Variants in LIPA observed in about 807,000 individuals in gnomAD.
LIPA encodes the protein lysosomal acid lipase/cholesteryl ester hydrolase.
Under a neutral mutation model 40.6 loss-of-function variants are expected in LIPA, and 26 were observed. The ratio of observed to expected loss-of-function variants is 0.64; its 90% CI spans 0.47 to 0.89. The LOEUF is 0.89. Among genes scored for constraint, LIPA ranks in the 40% least tolerant of loss-of-function variants. LIPA has a pLI of 0.00. For synonymous variants in LIPA, 188 were observed against 168.4 expected, an observed-to-expected ratio of 1.12 and a Z score of -0.90; for missense variants, 455 against 479.6, an observed-to-expected ratio of 0.95 and a Z score of 0.48.
chr10:89,374,826 A>T (rs959398838), intron 2 of LIPA, among the ~76,000 whole-genome samples: 1 of 152,110 alleles, frequency 6.6e-6, no homozygotes, highest in Admixed American at 6.5e-5. Context: ...CACTAGGGAG[A>T]GGTTGAATGC....
chr10:89,283,530 G>C (rs1843326637), intron 1 of LIPA, among the ~76,000 whole-genome samples: 1 of 152,118 alleles, frequency 6.6e-6, no homozygotes, highest in Admixed American at 6.5e-5. Context: ...TAGATTTCTG[G>C]TTCTCTGACC....
intron 2 of LIPA, chr10:89,406,017 T>C (rs910442911): frequency 2.0e-5 from 3 of 152,236 alleles, no homozygotes; most frequent in Non-Finnish European, 2.9e-5. Flanking sequence ...ATTTCATCCA[T>C]TGCCCTTAAG....
At chr10:89,366,629 T>C (rs1052501867) in intron 2 of LIPA, among the ~76,000 whole-genome samples, 9 of 152,180 alleles carry the variant, frequency 5.9e-5, no homozygotes, top group African/African-American at 1.9e-4. Flanking sequence ...AGTGAGATAC[T>C]ATCTCACACC....
At chr10:89,253,394 A>T (rs764518059), upstream of LIPA, among the ~76,000 whole-genome samples, 1 of 152,222 alleles carries the variant, frequency 6.6e-6, no homozygotes, top group Non-Finnish European at 1.5e-5. Context: ...ACCAAGTAAA[A>T]GGATTTTCCT....
chr10:89,346,688 C>A (rs574677979), upstream of LIPA, among the ~76,000 whole-genome samples: 1 of 152,298 alleles, frequency 6.6e-6, no homozygotes, highest in South Asian at 2.1e-4. Flanking sequence ...TTTGATGACC[C>A]TGCACCTTCT....
intron 1 of LIPA, among the ~76,000 whole-genome samples, chr10:89,291,604 A>G (rs1843375469): frequency 6.6e-6 from 1 of 151,998 alleles, no homozygotes; most frequent in African/African-American, 2.4e-5. Flanking sequence ...ACTGACCTTT[A>G]GGCAGGACAG....
At chr10:89,326,015 G>A (rs1371209304) in intron 1 of LIPA, among the ~76,000 whole-genome samples, 1 of 152,132 alleles carries the variant, frequency 6.6e-6, no homozygotes, top group African/African-American at 2.4e-5. Flanking sequence ...TAACTACTAT[G>A]GATAACAGTT....
chr10:89,410,771 C>T (rs1025651268), intron 2 of LIPA, among the ~76,000 whole-genome samples: 4 of 152,176 alleles, frequency 2.6e-5, no homozygotes, highest in African/African-American at 7.2e-5. Flanking sequence ...AGTTATTGCA[C>T]GCGGTGCAAA....
intron 2 of LIPA, among the ~76,000 whole-genome samples, chr10:89,374,332 G>GAC (rs201667351): frequency 2.7e-5 from 4 of 150,210 alleles, no homozygotes; most frequent in East Asian, 1.9e-4. Flanking sequence ...TGTAGACACA[G>GAC]ACACACACAC....
intron 2 of LIPA, chr10:89,384,610 A>G (rs773849821): frequency 6.2e-7 from 1 of 1,614,192 alleles, no homozygotes; most frequent in South Asian, 1.1e-5. Flanking sequence ...TATTCACCAG[A>G]ATGTACGGGT....
At chr10:89,215,196 G>T in intron 9 of LIPA, 135 bp from the exon 10 acceptor site, 1 of 732,476 alleles carries the variant, frequency 1.4e-6, no homozygotes, top group Non-Finnish European at 2.4e-6. Context: ...ATCTCTTTGA[G>T]TATCTTTTCA....
In LIPA at chr10:89,393,173, G is replaced by A. The variant is rs750777264; in HGVS notation, c.61+19618C>T. ...AAAGCCTCAGTCTTGCAGCCTCTCT[G>A]ATGTCTTGTGGGTAATACAGTGGAG... On this transcript the variant is annotated intron_variant, in intron 2 of 8. Coordinates refer to the LIPA transcript ENST00000371837. 6 of 1,290,530 alleles carry A rather than the reference G, an allele frequency of 4.6e-6. No individual in the cohort carries two copies. The South Asian group carries it at 6.2e-5, about 13-fold the overall frequency. The allele number at this position is 1,290,530 out of a possible 1,614,324, so 79.9% of individuals were successfully genotyped here. A position where few individuals can be genotyped will look rare whatever the true frequency, so the allele number is the denominator to read the frequency against.
intron 8 of LIPA, among the ~76,000 whole-genome samples, chr10:89,217,739 T>C (rs1842645642): frequency 6.6e-6 from 1 of 152,182 alleles, no homozygotes; most frequent in South Asian, 2.1e-4. Context: ...CCTTGTAGTA[T>C]ATCATCTCGC....
chr10:89,331,773 C>T (rs1843654193), intron 1 of LIPA, among the ~76,000 whole-genome samples: 2 of 148,192 alleles, frequency 1.3e-5, no homozygotes, highest in African/African-American at 2.5e-5. Context: ...ATGGGAGGAT[C>T]GCTTGAGCCT....
chr10:89,402,432 G>A, intron 2 of LIPA: 1 of 1,614,118 alleles, frequency 6.2e-7, no homozygotes. Context: ...ATACAGTGTG[G>A]GAATACACAA....
At chr10:89,216,179 T>C (rs1464615031) in intron 8 of LIPA, among the ~76,000 whole-genome samples, 170 bp from the exon 9 acceptor site, 1 of 152,094 alleles carries the variant, frequency 6.6e-6, no homozygotes, top group Non-Finnish European at 1.5e-5. Flanking sequence ...TTTGTCCTGC[T>C]TTACTGAATG....
At chr10:89,403,748 A>G in intron 2 of LIPA, 1 of 1,131,218 alleles carries the variant, frequency 8.8e-7, no homozygotes, top group Non-Finnish European at 1.3e-6. Context: ...ATTTCATTTC[A>G]TTTTATGCTA....
At chr10:89,269,623 G>C (rs1843255080) in intron 1 of LIPA, among the ~76,000 whole-genome samples, 1 of 152,160 alleles carries the variant, frequency 6.6e-6, no homozygotes, top group African/African-American at 2.4e-5. Context: ...AGAGACTGGA[G>C]TTTCTGAAGC....
At chr10:89,329,603 ACTC>A (rs1391137894) in intron 1 of LIPA, among the ~76,000 whole-genome samples, 40 of 152,130 alleles carry the variant, frequency 2.6e-4, no homozygotes, top group African/African-American at 8.7e-4. Context: ...CACCTGGAGA[ACTC>A]ACTGGCACGT....
Sources: allele counts gnomAD v4.1 joint callset (sites outside exome capture counted in the v4.1 genomes callset), GRCh38; gene constraint gnomAD v4.1.1; transcripts MANE v1.5; gene names NCBI Gene and HGNC (gene_info 2026-07-23, HGNC 2026-07-21).